LGSN: variants seen among roughly 807,000 people sequenced by gnomAD.
The protein encoded by LGSN is lengsin, lens protein with glutamine synthetase domain.
In LGSN, 21 loss-of-function variants were observed where a neutral mutation model predicts 19.5. The observed-to-expected ratio is 1.07, with a 90% confidence interval of 0.76 to 1.55. The LOEUF (loss-of-function observed/expected upper bound fraction) is 1.55, where lower values mean the gene tolerates loss of function less well. Ranked by LOEUF, LGSN falls within the 40% of genes most tolerant of loss-of-function variation. The pLI is 0.00. For synonymous variants in LGSN, 257 were observed against 215.6 expected, an observed-to-expected ratio of 1.19 and a Z score of -1.68; for missense variants, 673 against 608.5, an observed-to-expected ratio of 1.11 and a Z score of -1.12.
chr6:63,533,862 G>T, the LGSN span, among the ~76,000 whole-genome samples: 2 of 134,078 alleles, frequency 1.5e-5, no homozygotes, highest in South Asian at 4.9e-4. Context: ...ATTAATTTTT[G>T]AGGTAGGGTC....
At chr6:63,560,840 C>T in the LGSN span, among the ~76,000 whole-genome samples, 1 of 152,200 alleles carries the variant, frequency 6.6e-6, no homozygotes, top group African/African-American at 2.4e-5. Context: ...AGATTGGCAC[C>T]AGTTCACAGA....
At chr6:63,417,212 T>C in the LGSN span, among the ~76,000 whole-genome samples, 1 of 152,066 alleles carries the variant, frequency 6.6e-6, no homozygotes, top group African/African-American at 2.4e-5. Context: ...TTAATACTTC[T>C]TCCCCCCAGC....
the LGSN span, among the ~76,000 whole-genome samples, chr6:63,559,944 G>C: frequency 2.1e-3 from 316 of 152,112 alleles, no homozygotes; most frequent in Non-Finnish European, 2.6e-3. Flanking sequence ...GTTTTTTCGT[G>C]ACAACAGCAA....
the LGSN span, among the ~76,000 whole-genome samples, chr6:63,488,444 T>A: frequency 6.6e-6 from 1 of 152,160 alleles, no homozygotes; most frequent in African/African-American, 2.4e-5. Flanking sequence ...CTCTGCTCCA[T>A]ACCTTGATGA....
At chr6:63,452,058 T>C in the LGSN span, among the ~76,000 whole-genome samples, 1 of 151,268 alleles carries the variant, frequency 6.6e-6, no homozygotes, top group African/African-American at 2.4e-5. Flanking sequence ...TCTTGTCTTT[T>C]TTTTTTTTTT....
At chr6:63,541,907 G>T in the LGSN span, among the ~76,000 whole-genome samples, 2 of 151,732 alleles carry the variant, frequency 1.3e-5, no homozygotes, top group Non-Finnish European at 2.9e-5. Context: ...ACCATTTCCT[G>T]GTGTCTCCCA....
At chr6:63,412,555 AAAGAAAGAAAGAAAGGAAGG>A in the LGSN span, among the ~76,000 whole-genome samples, 158 of 138,868 alleles carry the variant, frequency 1.1e-3, 1 homozygote, top group South Asian at 6.8e-3. Flanking sequence ...AGAAAGAAAG[AAAGAAAGAAAGAAAGGAAGG>A]AAGGAAAGAA....
At chr6:63,540,748 T>C in the LGSN span, among the ~76,000 whole-genome samples, 1 of 151,624 alleles carries the variant, frequency 6.6e-6, no homozygotes, top group African/African-American at 2.4e-5. Flanking sequence ...CACATCAGAA[T>C]GGTTATGAGG....
the LGSN span, among the ~76,000 whole-genome samples, chr6:63,419,871 A>T: frequency 9.4e-6 from 1 of 106,730 alleles, no homozygotes; most frequent in Non-Finnish European, 1.8e-5. Context: ...TAAGAGCGAA[A>T]CTCCCTCCCA....
chr6:63,357,890 G>C, the LGSN span, among the ~76,000 whole-genome samples: 70 of 152,050 alleles, frequency 4.6e-4, no homozygotes, highest in Admixed American at 2.6e-4. Flanking sequence ...TGGTGTTTTA[G>C]ACATGAAGTC....
chr6:63,303,392 A>G (rs1768263648), intron 1 of LGSN, among the ~76,000 whole-genome samples: 1 of 152,232 alleles, frequency 6.6e-6, no homozygotes, highest in Non-Finnish European at 1.5e-5. Context: ...AGAAATCTCC[A>G]ACAATAAAGG....
the LGSN span, among the ~76,000 whole-genome samples, chr6:63,527,634 A>G: frequency 1.3e-5 from 2 of 152,212 alleles, no homozygotes; most frequent in Admixed American, 6.5e-5. Flanking sequence ...CATTTTAACC[A>G]AGAAAACTGA....
chr6:63,358,963 G>A, the LGSN span, among the ~76,000 whole-genome samples: 4 of 152,182 alleles, frequency 2.6e-5, no homozygotes, highest in Non-Finnish European at 5.9e-5. Flanking sequence ...GATATTGGCT[G>A]TGGGTTTGTC....
chr6:63,300,203 T>C (rs1768129438), intron 1 of LGSN, among the ~76,000 whole-genome samples: 1 of 152,190 alleles, frequency 6.6e-6, no homozygotes, highest in Non-Finnish European at 1.5e-5. Flanking sequence ...GACATCCTTT[T>C]CATAGCTCTG....
At chr6:63,283,794 G>A (rs1469814994) in intron 3 of LGSN, among the ~76,000 whole-genome samples, 4 of 151,910 alleles carry the variant, frequency 2.6e-5, no homozygotes, top group South Asian at 2.1e-4. Context: ...TCCGCCTTCC[G>A]GGTTCAAGCG....
the LGSN span, among the ~76,000 whole-genome samples, chr6:63,337,471 C>CT: frequency 2.0e-5 from 3 of 148,766 alleles, no homozygotes; most frequent in Non-Finnish European, 4.5e-5. Flanking sequence ...AAGCAAGACT[C>CT]TGTCTCAATT....
chr6:63,567,208 T>C, the LGSN span, among the ~76,000 whole-genome samples: 2 of 152,236 alleles, frequency 1.3e-5, no homozygotes, highest in Non-Finnish European at 2.9e-5. Context: ...ATGTTCTTAA[T>C]GGCATCTAGA....
chr6:63,353,809 T>C, the LGSN span, among the ~76,000 whole-genome samples: 1 of 151,928 alleles, frequency 6.6e-6, no homozygotes, highest in Non-Finnish European at 1.5e-5. Flanking sequence ...CATAGACCAA[T>C]GAAACAGAAT....
chr6:63,323,557 TATACACACACACAC>T (rs1265129028), upstream of LGSN, among the ~76,000 whole-genome samples: 6 of 96,252 alleles, frequency 6.2e-5, no homozygotes, highest in East Asian at 8.5e-4. Context: ...CAAAACCTCA[TATACACACACACAC>T]ACACACACAC....
Sources: allele counts gnomAD v4.1 joint callset (sites outside exome capture counted in the v4.1 genomes callset), GRCh38; gene constraint gnomAD v4.1.1; transcripts MANE v1.5; gene names NCBI Gene and HGNC (gene_info 2026-07-23, HGNC 2026-07-21).